The following CDC42 variants were observed in gnomAD, a reference collection of about 807,000 sequenced individuals.
CDC42 encodes cell division control protein 42 homolog.
A neutral mutation model predicts 20.8 loss-of-function variants in CDC42; 1 was observed. That is an observed-to-expected ratio of 0.05 (90% confidence interval 0.02 to 0.23). The LOEUF (loss-of-function observed/expected upper bound fraction) is 0.23, where lower values mean the gene tolerates loss of function less well. Ranked by LOEUF, CDC42 falls within the 10% of genes least tolerant of loss-of-function variation. CDC42 has a pLI of 1.00. For synonymous variants in CDC42, 72 were observed against 84.8 expected (o/e 0.85, Z 0.83); for missense variants, 49 against 227.9 (o/e 0.21, Z 5.05).
Position 22,060,107 on chromosome 1 carries a change from T to C in CDC42, c.-51+7365T>C, listed in dbSNP as rs988102505. 3.3e-5 allele frequency among the ~76,000 whole-genome samples: 5 copies of C among 151,892 alleles called. No individual in the cohort carries two copies. The South Asian group carries it at 1.0e-3, about 32-fold the overall frequency. ...TTGTAATCCCAGCACTTTGGGAGGC[T>C]GAGGCAGGCAGATCACCTGAGGGCT... On this transcript the variant is annotated intron_variant, in intron 1 of 5. Coordinates refer to ENST00000656825, the MANE Select transcript of CDC42 (RefSeq NM_001791.4).
intron 1 of CDC42, among the ~76,000 whole-genome samples, chr1:22,073,014 A>C (rs538005471): frequency 6.6e-6 from 1 of 152,216 alleles, no homozygotes; most frequent in South Asian, 2.1e-4. Context: ...CCTAGAATGA[A>C]CCATGGGGCA....
chr1:22,064,674 A>G (rs1385837342), intron 1 of CDC42, among the ~76,000 whole-genome samples: 1 of 135,708 alleles, frequency 7.4e-6, no homozygotes, highest in Non-Finnish European at 1.5e-5. Context: ...GCTATAGAAG[A>G]TTGCCTAGAG....
Position 22,065,509 on chromosome 1 carries a change from T to C in CDC42, c.-51+12767T>C, listed in dbSNP as rs184371906. On this transcript the variant is annotated intron_variant, in intron 1 of 5. Coordinates refer to ENST00000656825, the MANE Select transcript of CDC42 (RefSeq NM_001791.4). ...TACTTAACAACTGTTCTGACCTTTT[T>C]AGGGCTGTTTCTGCAGATTTTAATT... Among the ~76,000 whole-genome samples the C allele has an allele frequency of 2.6e-5, 4 of 152,330 alleles. No homozygotes were observed. In the East Asian group the frequency reaches 7.7e-4, roughly 29 times the overall value.
chr1:22,078,885 ACT>A, intron 2 of CDC42: 5 of 1,058,428 alleles, frequency 4.7e-6, no homozygotes, highest in South Asian at 1.7e-5. Context: ...GAATGAGGTG[ACT>A]TTTTTTTTTT....
chr1:22,070,443 CTTTTTTTTTTTTTTTTTTTTTT>C lies in CDC42; in HGVS notation c.-50-7969_-50-7948del, dbSNP rs567184632. ...CCTTTGTTGTCCTCTGCCTTTGCCTCTTTTTTTTTTTTTTTTTTTTTTTTTTTTTTTTTTTTTTGAGACAGAG... is the reference window on the plus strand; with the variant it reads ...CCTTTGTTGTCCTCTGCCTTTGCCTCTTTTTTTTTTTTTTTTGAGACAGAG... On this transcript the variant is annotated intron_variant, in intron 1 of 5. Coordinates refer to ENST00000656825, the MANE Select transcript of CDC42 (RefSeq NM_001791.4). Among the ~76,000 whole-genome samples, 30 of 60,370 alleles carry C rather than the reference CTTTTTTTTTTTTTTTTTTTTTT, an allele frequency of 5.0e-4. 1 individual carries two copies. Among genetic ancestry groups the C allele is most frequent in the African/African-American group, 1.2e-3 (19 of 15,254 alleles). 39.6% of individuals were successfully genotyped at this position (60,370 alleles called of 152,430 possible). A position where few individuals can be genotyped will look rare whatever the true frequency, so the allele number is the denominator to read the frequency against.
intron 5 of CDC42, among the ~76,000 whole-genome samples, chr1:22,089,048 G>C (rs1328935467): frequency 6.6e-6 from 1 of 152,158 alleles, no homozygotes. Context: ...AATTGGAGCT[G>C]TGTTCTGGGA....
At chr1:22,062,228 G>C (rs560556906) in intron 1 of CDC42, among the ~76,000 whole-genome samples, 53 of 152,270 alleles carry the variant, frequency 3.5e-4, no homozygotes, top group African/African-American at 1.3e-3. Context: ...GAGCCTCCAT[G>C]CCTGGCTGTT....
At position 22,091,759 on chromosome 1, in the gene CDC42, T is replaced by G; in HGVS notation, c.*242T>G. 3.5e-6 allele frequency: 1 copy of G among 286,592 alleles called. No individual in the cohort carries two copies. The highest frequency in any genetic ancestry group is 6.4e-6 in the Non-Finnish European group (1 of 156,978). The allele number at this position is 286,592 out of a possible 1,614,324, so 17.8% of individuals were successfully genotyped here. A position where few individuals can be genotyped will look rare whatever the true frequency, so the allele number is the denominator to read the frequency against. ...AAAAGTGATTAGTACTATTTTTTTT[T>G]GTTGTTTCAAAAAAAAAATTTTTGT... On this transcript the variant is annotated 3_prime_UTR_variant, in exon 6 of 6. Coordinates refer to ENST00000656825, the MANE Select transcript of CDC42 (RefSeq NM_001791.4).
chr1:22,086,904 G>T, intron 5 of CDC42, 38 bp downstream of exon 5: 1 of 1,536,476 alleles, frequency 6.5e-7, no homozygotes, highest in South Asian at 1.1e-5. Flanking sequence ...ATTTATGGTC[G>T]AGTCATTTAT....
chr1:22,055,886 T>TTTTTTA (rs1645300255), intron 1 of CDC42, among the ~76,000 whole-genome samples: 1 of 150,538 alleles, frequency 6.6e-6, no homozygotes, highest in African/African-American at 2.4e-5. Context: ...TTTTTTTTTT[T>TTTTTTA]GAGAGGATGA....
At position 22,097,157 on chromosome 1, in the gene CDC42, C is replaced by G. The variant is rs576501569; in HGVS notation, c.*5640C>G. Among the ~76,000 whole-genome samples, 3 of 152,364 alleles carry G rather than the reference C, an allele frequency of 2.0e-5. No individual in the cohort carries two copies. The South Asian group carries it at 6.2e-4, about 32-fold the overall frequency. The stretch of plus-strand genomic sequence containing the variant: ...ATGACCTTTGCCTGTCACCACACAG[C>G]TGTATGGTAGCAGAGCTGGGCGTGA... On this transcript the variant is annotated 3_prime_UTR_variant, in exon 6 of 6. Coordinates refer to ENST00000656825, the MANE Select transcript of CDC42 (RefSeq NM_001791.4).
chr1:22,077,154 C>T (rs1158274398), intron 1 of CDC42, among the ~76,000 whole-genome samples: 1 of 151,834 alleles, frequency 6.6e-6, no homozygotes, highest in Non-Finnish European at 1.5e-5. Context: ...AAAACCCTGT[C>T]TAAAAAAAAG....
In CDC42 at chr1:22,054,151, T is replaced by A. The variant is rs10917132; in HGVS notation, c.-51+1409T>A. Among the ~76,000 whole-genome samples the A allele has an allele frequency of 9.4e-3, 1,426 of 152,288 alleles. 21 individuals are homozygous for A. The highest frequency in any genetic ancestry group is 0.032 in the African/African-American group (1,344 of 41,542). ...TTTGTTATTAAAAACGAGACTTCGA[T>A]CTTTAAGCAAAAAACTTAATATTTT... On this transcript the variant is annotated intron_variant, in intron 1 of 5. Coordinates refer to ENST00000656825, the MANE Select transcript of CDC42 (RefSeq NM_001791.4).
chr1:22,095,426 T>C lies in CDC42; in HGVS notation c.*3909T>C, dbSNP rs990738820. 5.9e-5 allele frequency among the ~76,000 whole-genome samples: 9 copies of C among 152,098 alleles called. No individual in the cohort carries two copies. Among genetic ancestry groups the C allele is most frequent in the Admixed American group, 2.6e-4 (4 of 15,266 alleles). On this transcript the variant is annotated 3_prime_UTR_variant, in exon 6 of 6. Transcript: ENST00000656825. ...CCAGGACTACAGGCATGTGCCACCA[T>C]GCCTGGCTAATGTTTTGTATTTTTA... is the stretch of plus-strand genomic sequence containing the variant.
rs1645610652 is a variant in CDC42, at chr1:22,081,809, T to G, written c.178+15T>G. On this transcript the variant is annotated intron_variant, in intron 3 of 5. Coordinates refer to ENST00000656825, the MANE Select transcript of CDC42 (RefSeq NM_001791.4). ...TGATACTGCAGGTGAAAACTTAATG[T>G]CTTTTATACTGTTTTGATCTTTAAC... 1 of 1,513,402 alleles carries G rather than the reference T, an allele frequency of 6.6e-7. No homozygotes were observed. The highest frequency in any genetic ancestry group is 9.2e-7 in the Non-Finnish European group (1 of 1,090,386). 93.7% of individuals were successfully genotyped at this position (1,513,402 alleles called of 1,614,324 possible).
intron 2 of CDC42, among the ~76,000 whole-genome samples, chr1:22,080,280 A>G (rs1317118785): frequency 2.0e-5 from 3 of 152,232 alleles, no homozygotes; most frequent in African/African-American, 7.2e-5. Flanking sequence ...TTGGATATGA[A>G]CAATCTAGTA....
intron 1 of CDC42, among the ~76,000 whole-genome samples, chr1:22,076,015 A>G (rs1557900951): frequency 6.6e-6 from 1 of 152,096 alleles, no homozygotes. Flanking sequence ...CTTAGCCCCT[A>G]TTTTTTGCTT....
rs1444762260 is a variant in CDC42 at position 22,100,072 on chromosome 1, G to A, written c.*8555G>A. On this transcript the variant is annotated 3_prime_UTR_variant, in exon 6 of 6. Coordinates refer to ENST00000656825, the MANE Select transcript of CDC42 (RefSeq NM_001791.4). ...ATAATAGGCCTGTGAGTTGGGAAGA[G>A]CAGGGTTTGTTTGGTGAGAAAGTTG... Among the ~76,000 whole-genome samples the A allele has an allele frequency of 2.1e-5, 3 of 145,820 alleles. No individual in the cohort carries two copies. The highest frequency in any genetic ancestry group is 4.5e-5 in the Non-Finnish European group (3 of 67,210).
chr1:22,052,903 C>T (rs998606538), intron 1 of CDC42, 161 bp downstream of exon 1: 26 of 152,234 alleles, frequency 1.7e-4, no homozygotes, highest in African/African-American at 6.3e-4. Context: ...GCTGCGTCCT[C>T]CGGGCGGGCG....
Sources: gnomAD v4.1 joint callset for allele counts (sites outside exome capture counted in the v4.1 genomes callset) on GRCh38, gnomAD v4.1.1 for gene constraint, MANE v1.5 for transcripts, NCBI Gene and HGNC (gene_info 2026-07-23, HGNC 2026-07-21) for gene names.